DUSP22: variants seen among roughly 807,000 people sequenced by gnomAD.
The protein encoded by DUSP22 is dual specificity protein phosphatase 22.
A neutral mutation model predicts 24.5 loss-of-function variants in DUSP22; 24 were observed. The ratio of observed to expected loss-of-function variants is 0.98; its 90% CI spans 0.71 to 1.38. The LOEUF is 1.38. Ranked by LOEUF, DUSP22 falls within the 40% of genes most tolerant of loss-of-function variation. DUSP22 has a pLI of 0.00. For missense variants in DUSP22, 330 were observed against 269.2 expected, an observed-to-expected ratio of 1.23 and a Z score of -1.58; for synonymous variants, 160 against 106.4, an observed-to-expected ratio of 1.50 and a Z score of -3.10.
intron 4 of DUSP22, among the ~76,000 whole-genome samples, chr6:341,067 G>T (rs1223178894): frequency 6.6e-6 from 1 of 152,306 alleles, no homozygotes; most frequent in African/African-American, 2.4e-5. Context: ...ACAGCTGCGG[G>T]TGACTGGGCA....
chr6:302,032 T>A (rs1333035465), intron 1 of DUSP22, among the ~76,000 whole-genome samples: 8 of 152,296 alleles, frequency 5.3e-5, no homozygotes, highest in African/African-American at 1.7e-4. Flanking sequence ...CCTCTTGATT[T>A]AAAAAAAGTG....
At chr6:312,224 C>T (rs1218095269) in intron 3 of DUSP22, among the ~76,000 whole-genome samples, 1 of 152,308 alleles carries the variant, frequency 6.6e-6, no homozygotes. Context: ...TAAGCTGAGG[C>T]TGCATTTCCC....
intron 4 of DUSP22, among the ~76,000 whole-genome samples, chr6:338,507 G>A (rs1418046690): frequency 6.6e-6 from 1 of 152,300 alleles, no homozygotes; most frequent in African/African-American, 2.4e-5. Flanking sequence ...TTTGCTTTCT[G>A]TATCATCAAC....
rs771042488 is a variant in DUSP22, at chr6:348,773, G to A, written c.440G>A (p.Arg147Gln). 25 of 1,614,132 alleles carry A rather than the reference G, an allele frequency of 1.5e-5. No homozygotes were observed. The highest frequency in any genetic ancestry group is 8.9e-5 in the East Asian group (4 of 44,900). Residue 147 changes from arginine to glutamine, a missense_variant, in exon 7 of 7, where the codon CGG (arginine) becomes CAG (glutamine). By Grantham distance (43) the Arg-to-Gln change is conservative. Transcript: ENST00000419235. ...EFEKHEVHQY[R>Q]QWLKEEYGES... ...GTTTGTTTCCATCCTCTCCAGTATC[G>A]GCAGTGGCTGAAGGAAGAATATGGA...
intron 1 of DUSP22, among the ~76,000 whole-genome samples, chr6:298,395 C>G (rs1757435354): frequency 6.6e-6 from 1 of 152,310 alleles, no homozygotes; most frequent in Non-Finnish European, 1.5e-5. Flanking sequence ...GCCACCCCCA[C>G]CCCACACATG....
chr6:308,035 T>C (rs1266712836), intron 2 of DUSP22, among the ~76,000 whole-genome samples: 4 of 152,208 alleles, frequency 2.6e-5, no homozygotes, highest in African/African-American at 7.2e-5. Context: ...TGACTGCCAG[T>C]TGGGGAGGGG....
chr6:351,223 C>T lies in DUSP22; in HGVS notation c.*2272C>T, dbSNP rs1305807726. The T allele has an allele frequency of 1.8e-5, 5 of 270,510 alleles. No individual in the cohort carries two copies. Among genetic ancestry groups the T allele is most frequent in the East Asian group, 8.1e-5 (1 of 12,374 alleles). 16.8% of individuals were successfully genotyped at this position (270,510 alleles called of 1,614,324 possible). A position where few individuals can be genotyped will look rare whatever the true frequency, so the allele number is the denominator to read the frequency against. The stretch of plus-strand genomic sequence containing the variant: ...GTAGTTGTGTGGCGTGAACTCTGCC[C>T]GTGTGTTCTCAAATTCCCCAGCTTG... On this transcript the variant is annotated 3_prime_UTR_variant, in exon 7 of 7. Coordinates refer to ENST00000419235, the MANE Select transcript of DUSP22 (RefSeq NM_001286555.3).
intron 3 of DUSP22, among the ~76,000 whole-genome samples, chr6:329,965 G>A (rs958965905): frequency 4.5e-4 from 68 of 152,268 alleles, no homozygotes; most frequent in Non-Finnish European, 6.3e-4. Flanking sequence ...GGTGAAAGTC[G>A]CTCTTGAGAG....
chr6:307,288 C>G (rs1757854332), intron 2 of DUSP22, among the ~76,000 whole-genome samples: 1 of 152,294 alleles, frequency 6.6e-6, no homozygotes. Flanking sequence ...CCTCCCTTCT[C>G]TTCCCCTTCC....
chr6:347,060 C>T (rs537989071), intron 5 of DUSP22, among the ~76,000 whole-genome samples: 35 of 152,410 alleles, frequency 2.3e-4, no homozygotes, highest in Admixed American at 1.6e-3. Context: ...AGGATTTTAA[C>T]GTTCATTTCT....
intron 3 of DUSP22, among the ~76,000 whole-genome samples, chr6:333,642 T>C (rs1251444467): frequency 2.0e-5 from 3 of 152,308 alleles, no homozygotes; most frequent in Admixed American, 2.0e-4. Flanking sequence ...TCAGAATAGA[T>C]GGAGAACAGG....
chr6:313,660 CTAT>C (rs1463306854), intron 3 of DUSP22, among the ~76,000 whole-genome samples: 7 of 152,304 alleles, frequency 4.6e-5, no homozygotes, highest in Non-Finnish European at 8.8e-5. Context: ...TCTCCGGGTG[CTAT>C]TATTATCTTA....
At chr6:340,532 T>A (rs1342563314) in intron 4 of DUSP22, among the ~76,000 whole-genome samples, 1 of 152,306 alleles carries the variant, frequency 6.6e-6, no homozygotes, top group African/African-American at 2.4e-5. Flanking sequence ...CAAAAACTTT[T>A]TTTTCTAAGC....
chr6:299,439 G>A (rs1757484780), intron 1 of DUSP22, among the ~76,000 whole-genome samples: 1 of 152,302 alleles, frequency 6.6e-6, no homozygotes, highest in Non-Finnish European at 1.5e-5. Context: ...GAATTACGAA[G>A]CTGACTAGTG....
intron 1 of DUSP22, among the ~76,000 whole-genome samples, chr6:301,845 T>C (rs2127391417): frequency 6.6e-6 from 1 of 152,426 alleles, no homozygotes; most frequent in South Asian, 2.1e-4. Context: ...AGACGATGAA[T>C]TTAGGAGTCA....
chr6:342,738 C>A (rs1419604430), intron 4 of DUSP22, among the ~76,000 whole-genome samples: 2 of 152,124 alleles, frequency 1.3e-5, no homozygotes, highest in Non-Finnish European at 1.5e-5. Flanking sequence ...GGCCGGAGGT[C>A]AGGGGCAGAG....
intron 1 of DUSP22, among the ~76,000 whole-genome samples, chr6:296,285 T>C (rs1246028570): frequency 6.6e-6 from 1 of 152,300 alleles, no homozygotes; most frequent in Admixed American, 6.5e-5. Flanking sequence ...GTGTTTTGAG[T>C]ACTTTACCAC....
chr6:333,626 G>A (rs547654208), intron 3 of DUSP22, among the ~76,000 whole-genome samples: 190 of 152,348 alleles, frequency 1.2e-3, no homozygotes, highest in African/African-American at 4.4e-3. Flanking sequence ...AAAGCTCATG[G>A]TTCCCTCAGA....
intron 1 of DUSP22, among the ~76,000 whole-genome samples, chr6:299,334 A>G (rs935500702): frequency 9.2e-5 from 14 of 152,294 alleles, no homozygotes. Context: ...AAATTATTTG[A>G]TTTTATTTCA....
Sources: gnomAD v4.1 joint callset for allele counts (sites outside exome capture counted in the v4.1 genomes callset) on GRCh38, gnomAD v4.1.1 for gene constraint, MANE v1.5 for transcripts, NCBI Gene and HGNC (gene_info 2026-07-23, HGNC 2026-07-21) for gene names.